PCDHGB3: variants seen among roughly 807,000 people sequenced by gnomAD.
The protein encoded by PCDHGB3 is protocadherin gamma-B3.
PCDHGB3 carries 40 observed loss-of-function variants against 59.2 expected under a neutral mutation model. That is an observed-to-expected ratio of 0.68 (90% CI 0.52 to 0.88). The LOEUF (loss-of-function observed/expected upper bound fraction) is 0.88. PCDHGB3 is among the 40% of genes least tolerant of loss of function. The probability of loss-of-function intolerance (pLI) is 0.00; values close to 1 mark genes in which losing one functional copy is unlikely to be tolerated. For missense variants in PCDHGB3, 1,309 were observed against 1,187.9 expected (o/e 1.10, Z -1.50); for synonymous variants, 581 against 503.6 (o/e 1.15, Z -2.06).
chr5:141,423,310 G>C, intron 1 of PCDHGB3: 2 of 1,614,180 alleles, frequency 1.2e-6, no homozygotes, highest in Non-Finnish European at 1.7e-6. Context: ...GCTGTACTTG[G>C]TGGTGGCGGT....
chr5:141,415,434 C>T, intron 1 of PCDHGB3: 2 of 1,614,192 alleles, frequency 1.2e-6, no homozygotes, highest in Non-Finnish European at 1.7e-6. Context: ...TTCGGGCTTT[C>T]CTGCAGACCT....
At chr5:141,409,919 G>A in intron 1 of PCDHGB3, 1 of 1,613,346 alleles carries the variant, frequency 6.2e-7, no homozygotes, top group Non-Finnish European at 8.5e-7. Flanking sequence ...TGACGGCTCC[G>A]CGTTCTTCGA....
rs376526750 is a variant in PCDHGB3 at position 141,476,593 on chromosome 5, G to T, written c.2416-18214G>T. The T allele has an allele frequency of 8.5e-5, 138 of 1,614,104 alleles. No individual in the cohort carries two copies. The highest frequency in any genetic ancestry group is 1.1e-4 in the Non-Finnish European group (133 of 1,180,044). On this transcript the variant is annotated intron_variant, in intron 1 of 3. Transcript: ENST00000576222. The surrounding 1 kb of genome is among the most constrained non-coding windows in gnomAD (Gnocchi z 7.6). ...GGACGCGCTTTCCGCTCGAGAGCGCGCACGATCCCGATGTGGGAAGCAACT... is the reference window on the plus strand; with the variant it reads ...GGACGCGCTTTCCGCTCGAGAGCGCTCACGATCCCGATGTGGGAAGCAACT...
chr5:141,413,446 G>A, intron 1 of PCDHGB3: 1 of 1,614,130 alleles, frequency 6.2e-7, no homozygotes. Context: ...CTTGATCACC[G>A]CGGGCAGGAT....
At position 141,372,278 on chromosome 5, in the gene PCDHGB3, G is replaced by A. The variant is rs756938433; in HGVS notation, c.1884G>A (p.Thr628=). The A allele has an allele frequency of 4.3e-6, 7 of 1,613,020 alleles. No individual in the cohort carries two copies. The highest frequency in any genetic ancestry group is 3.4e-6 in the Non-Finnish European group (4 of 1,179,826). ...GCCTGCGCACGGGTGAGGTGCGCACGGCGCGTACCTTGGGCGACAGGGAGG... is the reference window on the plus strand; with the variant it reads ...GCCTGCGCACGGGTGAGGTGCGCACAGCGCGTACCTTGGGCGACAGGGAGG... The part of the protein sequence containing the change: ...SLGLRTGEVR[T]ARTLGDREAA... Residue 628 remains threonine (T), a synonymous_variant, in exon 1 of 4, where the codon ACG becomes ACA. Coordinates refer to ENST00000576222, the MANE Select transcript of PCDHGB3 (RefSeq NM_018924.5).
In PCDHGB3 at chr5:141,432,113, T is replaced by G. The variant is rs1174697940; in HGVS notation, c.2415+59304T>G. 1 of 1,614,078 alleles carries G rather than the reference T, an allele frequency of 6.2e-7. No homozygotes were observed. The highest frequency in any genetic ancestry group is 8.5e-7 in the Non-Finnish European group (1 of 1,180,006). On this transcript the variant is annotated intron_variant, in intron 1 of 3. Coordinates refer to ENST00000576222, the MANE Select transcript of PCDHGB3 (RefSeq NM_018924.5). The surrounding 1 kb of genome is among the most constrained non-coding windows in gnomAD (Gnocchi z 6.0). ...AGACACCAACGACAACCCGCCGGTC[T>G]TCCCTCAGGCCTCCTATTCCGCTTA... is the stretch of plus-strand genomic sequence containing the variant.
Position 141,490,798 on chromosome 5 carries a change from C to A in PCDHGB3, c.2416-4009C>A. 2 of 1,613,926 alleles carry A rather than the reference C, an allele frequency of 1.2e-6. No individual in the cohort carries two copies. Among genetic ancestry groups the A allele is most frequent in the South Asian group, 2.2e-5 (2 of 91,074 alleles). ...AGAGGATGGACGGATCTTTGCCCAG[C>A]GTACCTTTGACTATGAATTGCTGCA... On this transcript the variant is annotated intron_variant, in intron 1 of 3. Transcript: ENST00000576222. This position sits in a 1 kb window ranked among gnomAD's most constrained non-coding sequence, Gnocchi z 5.4.
At chr5:141,418,603 G>A (rs769167342) in intron 1 of PCDHGB3, 7 of 1,613,902 alleles carry the variant, frequency 4.3e-6, no homozygotes, top group East Asian at 4.5e-5. Context: ...ACGTGTACAG[G>A]GTTAGCCTTC....
rs374159387 is a variant in PCDHGB3, at chr5:141,385,182, G to A, written c.2415+12373G>A. 154 of 1,614,138 alleles carry A rather than the reference G, an allele frequency of 9.5e-5. 1 individual carries two copies. The African/African-American group carries it at 1.3e-3, about 14-fold the overall frequency. ...ATTCCCATGAGGTCTCCCTCACCGC[G>A]GACTCTCGGAAGAGTCACCTGATCT... On this transcript the variant is annotated intron_variant, in intron 1 of 3. Coordinates refer to ENST00000576222, the MANE Select transcript of PCDHGB3 (RefSeq NM_018924.5).
intron 1 of PCDHGB3, among the ~76,000 whole-genome samples, chr5:141,481,171 C>G (rs927813327): frequency 6.6e-6 from 1 of 152,120 alleles, no homozygotes; most frequent in African/African-American, 2.4e-5. Flanking sequence ...AACCAGAATC[C>G]AGCTTTATTG....
intron 1 of PCDHGB3, among the ~76,000 whole-genome samples, chr5:141,464,076 C>A (rs561982216): frequency 3.1e-4 from 47 of 152,132 alleles, no homozygotes; most frequent in African/African-American, 9.4e-4. Context: ...GCCAGCCTGG[C>A]CAACATGGTG....
Position 141,491,676 on chromosome 5 carries a change from T to C in PCDHGB3, c.2416-3131T>C. On this transcript the variant is annotated intron_variant, in intron 1 of 3. Coordinates refer to ENST00000576222, the MANE Select transcript of PCDHGB3 (RefSeq NM_018924.5). The surrounding 1 kb of genome is among the most constrained non-coding windows in gnomAD (Gnocchi z 6.9). ...AGCCTGACGCCATCCGGTCCCGCTC[T>C]AATACGCTGCGGGAGCGGAGCCAGG... 3.1e-6 allele frequency: 5 copies of C among 1,613,546 alleles called. No individual in the cohort carries two copies. Among genetic ancestry groups the C allele is most frequent in the Non-Finnish European group, 4.2e-6 (5 of 1,179,848 alleles).
intron 1 of PCDHGB3, among the ~76,000 whole-genome samples, chr5:141,483,124 G>A (rs1468216170): frequency 6.6e-6 from 1 of 152,154 alleles, no homozygotes; most frequent in East Asian, 1.9e-4. Flanking sequence ...GTCTTTGTAG[G>A]AGATGAGGTG....
At chr5:141,428,154 T>G (rs760002801) in intron 1 of PCDHGB3, 29 of 1,578,806 alleles carry the variant, frequency 1.8e-5, no homozygotes, top group African/African-American at 1.3e-5. Flanking sequence ...CACGGGAACC[T>G]GCTGGTTGCT....
Position 141,424,835 on chromosome 5 carries a change from T to C in PCDHGB3, c.2415+52026T>C, listed in dbSNP as rs999861185. Among the ~76,000 whole-genome samples, 20 of 152,310 alleles carry C rather than the reference T, an allele frequency of 1.3e-4. No individual in the cohort carries two copies. The South Asian group carries it at 3.5e-3, about 27-fold the overall frequency. On this transcript the variant is annotated intron_variant, in intron 1 of 3. Coordinates refer to ENST00000576222, the MANE Select transcript of PCDHGB3 (RefSeq NM_018924.5). ...AAGCTTGATAGTTGCCTGACATACA[T>C]GTTATCTGAAGCAATGTCTAGGAAA... is the stretch of plus-strand genomic sequence containing the variant.
chr5:141,383,610 C>T, intron 1 of PCDHGB3: 1 of 1,613,818 alleles, frequency 6.2e-7, no homozygotes, highest in South Asian at 1.1e-5. Flanking sequence ...ATGTGAATGA[C>T]CACACGCCTG....
rs367651596 is a variant in PCDHGB3, at chr5:141,393,468, A to G, written c.2415+20659A>G. 1.1e-5 allele frequency: 18 copies of G among 1,613,922 alleles called. No individual in the cohort carries two copies. The highest frequency in any genetic ancestry group is 8.0e-5 in the African/African-American group (6 of 74,958). ...GGTCCTCACGGCCTCGGATGGCGGC[A>G]AGCCGCCTCGCTCTAGCACAGTGCG... On this transcript the variant is annotated intron_variant, in intron 1 of 3. Coordinates refer to ENST00000576222, the MANE Select transcript of PCDHGB3 (RefSeq NM_018924.5).
chr5:141,500,216 ATT>A (rs1562194139), intron 2 of PCDHGB3, among the ~76,000 whole-genome samples: 8 of 149,244 alleles, frequency 5.4e-5, no homozygotes, highest in African/African-American at 2.0e-4. Flanking sequence ...TTATTTATTT[ATT>A]TATTTATTGA....
chr5:141,489,151 AAG>A lies in PCDHGB3; in HGVS notation c.2416-5652_2416-5651del. ...TTTTTAAGAGGCTGGAAGGAGACAT[AAG>A]AGACTTCAGCTGCTGCATTCCAAGC... On this transcript the variant is annotated intron_variant, in intron 1 of 3. Coordinates refer to ENST00000576222, the MANE Select transcript of PCDHGB3 (RefSeq NM_018924.5). The surrounding 1 kb of genome is among the most constrained non-coding windows in gnomAD (Gnocchi z 4.5). The A allele has an allele frequency of 1.1e-6, 1 of 932,970 alleles. No homozygotes were observed. The highest frequency in any genetic ancestry group is 1.6e-6 in the Non-Finnish European group (1 of 622,054). 57.8% of individuals were successfully genotyped at this position (932,970 alleles called of 1,614,324 possible).
Sources: allele counts gnomAD v4.1 joint callset (sites outside exome capture counted in the v4.1 genomes callset), GRCh38; gene constraint gnomAD v4.1.1; non-coding constraint Gnocchi (gnomAD v3.1); transcripts MANE v1.5; gene names NCBI Gene and HGNC (gene_info 2026-07-23, HGNC 2026-07-21).